DAB1: variants seen among roughly 807,000 people sequenced by gnomAD.
DAB1 encodes DAB adaptor protein 1.
In DAB1, 15 loss-of-function variants were observed where a neutral mutation model predicts 64.6. The observed-to-expected ratio is 0.23, with a 90% CI of 0.16 to 0.36. DAB1 has a LOEUF of 0.36. Ranked by LOEUF, DAB1 falls within the 10% of genes least tolerant of loss-of-function variation. The pLI is 1.00. For missense variants in DAB1, 596 were observed against 706.7 expected (o/e 0.84, Z 1.78); for synonymous variants, 235 against 251.9 (o/e 0.93, Z 0.64).
intron 4 of DAB1, among the ~76,000 whole-genome samples, chr1:58,312,012 A>G (rs1223907821): frequency 1.3e-5 from 2 of 152,190 alleles, no homozygotes; most frequent in African/African-American, 2.4e-5. Flanking sequence ...TAATAAGTGC[A>G]TTAGCATCTA....
intron 2 of DAB1, among the ~76,000 whole-genome samples, chr1:57,187,459 G>T (rs1053252734): frequency 5.3e-5 from 8 of 152,186 alleles, no homozygotes; most frequent in African/African-American, 1.9e-4. Flanking sequence ...ATTCTGGAAA[G>T]TGTATATACC....
intron 5 of DAB1, among the ~76,000 whole-genome samples, chr1:57,984,216 G>T (rs920137539): frequency 7.1e-6 from 1 of 141,454 alleles, no homozygotes; most frequent in Non-Finnish European, 1.5e-5. Context: ...AAGAAAGAAA[G>T]AAAGAAAGAA....
chr1:58,454,039 C>T (rs1645165994), intron 3 of DAB1, among the ~76,000 whole-genome samples: 1 of 152,122 alleles, frequency 6.6e-6, no homozygotes, highest in African/African-American at 2.4e-5. Flanking sequence ...GCAGCAGTCT[C>T]TTTAAGTTTT....
chr1:58,203,896 T>C (rs1353123749), intron 4 of DAB1, among the ~76,000 whole-genome samples: 2 of 152,204 alleles, frequency 1.3e-5, no homozygotes, highest in South Asian at 2.1e-4. Flanking sequence ...GCCTGGCATA[T>C]AGTTTATTGA....
intron 7 of DAB1, among the ~76,000 whole-genome samples, chr1:57,583,644 G>C (rs1189404743): frequency 1.3e-5 from 2 of 152,138 alleles, no homozygotes; most frequent in Non-Finnish European, 2.9e-5. Context: ...AGTAGCCCAT[G>C]GGCCAGATTC....
chr1:57,454,090 G>C (rs780553277), intron 7 of DAB1, among the ~76,000 whole-genome samples: 18 of 152,052 alleles, frequency 1.2e-4, no homozygotes, highest in Non-Finnish European at 2.2e-4. Flanking sequence ...GGTGCTTGTG[G>C]GTTAGGTTTA....
At chr1:57,841,774 G>C (rs1653062207) in intron 1 of DAB1, among the ~76,000 whole-genome samples, 2 of 152,344 alleles carry the variant, frequency 1.3e-5, no homozygotes, top group South Asian at 4.1e-4. Flanking sequence ...CTCTGGGTTT[G>C]TGATGTGAGG....
intron 4 of DAB1, among the ~76,000 whole-genome samples, chr1:58,217,076 C>T (rs1346058566): frequency 2.6e-5 from 4 of 152,150 alleles, no homozygotes; most frequent in Non-Finnish European, 4.4e-5. Flanking sequence ...TGGCAAATGT[C>T]TTTCAGCAAG....
chr1:57,658,464 C>T (rs190778153), intron 6 of DAB1, among the ~76,000 whole-genome samples: 155 of 151,782 alleles, frequency 1.0e-3, no homozygotes, highest in African/African-American at 3.3e-3. Flanking sequence ...CCACCATGCC[C>T]GGCTAATTTT....
At chr1:57,469,652 ATTCC>A (rs1441112138) in intron 7 of DAB1, among the ~76,000 whole-genome samples, 7 of 152,152 alleles carry the variant, frequency 4.6e-5, no homozygotes, top group Non-Finnish European at 1.0e-4. Flanking sequence ...TGTGTATATA[ATTCC>A]TTTCTTAGCC....
chr1:57,547,641 C>T (rs987244371), intron 7 of DAB1, among the ~76,000 whole-genome samples: 1 of 152,026 alleles, frequency 6.6e-6, no homozygotes, highest in Admixed American at 6.6e-5. Flanking sequence ...TACTTTTTAA[C>T]AAACAAATAT....
chr1:57,114,880 C>T (rs1184918848), intron 4 of DAB1, among the ~76,000 whole-genome samples: 1 of 152,156 alleles, frequency 6.6e-6, no homozygotes, highest in Non-Finnish European at 1.5e-5. Context: ...CAGGCTCTGC[C>T]ACTTAATCAT....
At chr1:57,895,797 T>A (rs2101988041) in intron 5 of DAB1, among the ~76,000 whole-genome samples, 1 of 152,300 alleles carries the variant, frequency 6.6e-6, no homozygotes, top group African/African-American at 2.4e-5. Context: ...AATATCCTCA[T>A]ACCAATGGTG....
chr1:57,363,307 C>A (rs1193081768), intron 1 of DAB1, among the ~76,000 whole-genome samples: 1 of 152,166 alleles, frequency 6.6e-6, no homozygotes, highest in Non-Finnish European at 1.5e-5. Flanking sequence ...AATTTGGAAT[C>A]CTAGCTACAT....
chr1:58,222,259 G>A (rs1570503790), intron 4 of DAB1, among the ~76,000 whole-genome samples: 1 of 151,976 alleles, frequency 6.6e-6, no homozygotes, highest in East Asian at 1.9e-4. Context: ...TGTGGGCTGT[G>A]TATATGTATA....
chr1:57,629,049 T>C (rs766155649), intron 7 of DAB1, among the ~76,000 whole-genome samples: 6 of 152,196 alleles, frequency 3.9e-5, no homozygotes, highest in Middle Eastern at 3.2e-3. Flanking sequence ...TTCTTACAGT[T>C]CTTACAAATT....
intron 5 of DAB1, among the ~76,000 whole-genome samples, chr1:57,955,746 G>A (rs1247427678): frequency 6.6e-6 from 1 of 151,974 alleles, no homozygotes; most frequent in Non-Finnish European, 1.5e-5. Context: ...GCTACTCCAT[G>A]AGCTCCATTG....
chr1:57,568,157 C>G (rs1479596745), intron 7 of DAB1, among the ~76,000 whole-genome samples: 1 of 152,258 alleles, frequency 6.6e-6, no homozygotes, highest in East Asian at 1.9e-4. Context: ...ACAAACCTGA[C>G]ACAAACAAGA....
intron 1 of DAB1, among the ~76,000 whole-genome samples, chr1:57,301,412 G>C (rs771670960): frequency 6.6e-6 from 1 of 152,158 alleles, no homozygotes; most frequent in African/African-American, 2.4e-5. Flanking sequence ...TACCAGCCAG[G>C]TGAGGGGAGG....
Sources: gnomAD v4.1 joint callset for allele counts (sites outside exome capture counted in the v4.1 genomes callset) on GRCh38, gnomAD v4.1.1 for gene constraint, MANE v1.5 for transcripts, NCBI Gene and HGNC (gene_info 2026-07-23, HGNC 2026-07-21) for gene names.